The following ARB2A variants were observed in gnomAD, a reference collection of about 807,000 sequenced individuals.
ARB2A encodes the protein cotranscriptional regulator ARB2A.
the ARB2A span, among the ~76,000 whole-genome samples, chr5:94,058,027 G>GA: frequency 2.6e-5 from 4 of 151,024 alleles, no homozygotes; most frequent in East Asian, 3.9e-4. Flanking sequence ...ACACATAGGA[G>GA]AAAAAAAAAT....
chr5:93,709,749 G>C, the ARB2A span, among the ~76,000 whole-genome samples: 8 of 149,248 alleles, frequency 5.4e-5, no homozygotes, highest in Non-Finnish European at 1.2e-4. Context: ...TAAATCCATA[G>C]AAATTAGAAC....
At chr5:93,740,970 G>A in the ARB2A span, 4 of 1,613,714 alleles carry the variant, frequency 2.5e-6, no homozygotes, top group East Asian at 4.5e-5. Context: ...TTTTGCATAA[G>A]CCCAGAAGGT....
the ARB2A span, among the ~76,000 whole-genome samples, chr5:93,922,267 G>C: frequency 6.6e-6 from 1 of 152,114 alleles, no homozygotes. Flanking sequence ...AATAATAAAG[G>C]AGATTGTGGA....
At chr5:93,921,000 A>G in the ARB2A span, among the ~76,000 whole-genome samples, 1 of 152,148 alleles carries the variant, frequency 6.6e-6, no homozygotes, top group Non-Finnish European at 1.5e-5. Flanking sequence ...AGACTCATGA[A>G]GTGCCACTAG....
At chr5:93,850,128 A>G in the ARB2A span, among the ~76,000 whole-genome samples, 1 of 152,202 alleles carries the variant, frequency 6.6e-6, no homozygotes, top group African/African-American at 2.4e-5. Flanking sequence ...AATTAACCCT[A>G]CAGTAATTTT....
At chr5:93,956,760 T>C in the ARB2A span, among the ~76,000 whole-genome samples, 2 of 151,382 alleles carry the variant, frequency 1.3e-5, no homozygotes, top group South Asian at 2.1e-4. Context: ...AATACCATCA[T>C]CTTTCCCTCA....
chr5:93,993,115 G>A, the ARB2A span, among the ~76,000 whole-genome samples: 3 of 151,980 alleles, frequency 2.0e-5, no homozygotes, highest in East Asian at 5.8e-4. Context: ...TGAATAAAAT[G>A]TACCTGCCAT....
the ARB2A span, among the ~76,000 whole-genome samples, chr5:93,963,050 A>G: frequency 6.6e-6 from 1 of 152,094 alleles, no homozygotes; most frequent in East Asian, 1.9e-4. Context: ...CAGACTCAAT[A>G]TTAATTGTGT....
chr5:93,871,693 TAC>T, the ARB2A span, among the ~76,000 whole-genome samples: 12 of 152,304 alleles, frequency 7.9e-5, no homozygotes, highest in Admixed American at 2.0e-4. Context: ...ATTTTAAAAA[TAC>T]AGTTATTTCT....
At chr5:93,831,802 C>T in the ARB2A span, among the ~76,000 whole-genome samples, 2 of 152,064 alleles carry the variant, frequency 1.3e-5, no homozygotes, top group African/African-American at 4.8e-5. Flanking sequence ...CCTCCACAGT[C>T]GATGGAGATA....
chr5:93,674,258 T>C, the ARB2A span, among the ~76,000 whole-genome samples: 1 of 152,202 alleles, frequency 6.6e-6, no homozygotes, highest in Non-Finnish European at 1.5e-5. Flanking sequence ...TCGCCTCCAG[T>C]GTAGCTGTTA....
the ARB2A span, among the ~76,000 whole-genome samples, chr5:93,786,401 A>G: frequency 1.3e-5 from 2 of 152,318 alleles, no homozygotes; most frequent in African/African-American, 4.8e-5. Flanking sequence ...GATAACACGC[A>G]ATTTATCATC....
At chr5:93,667,595 A>G in the ARB2A span, among the ~76,000 whole-genome samples, 1 of 152,292 alleles carries the variant, frequency 6.6e-6, no homozygotes, top group East Asian at 1.9e-4. Context: ...AGCTGGGACT[A>G]CAGGCATGTG....
the ARB2A span, among the ~76,000 whole-genome samples, chr5:93,637,931 G>A: frequency 0.98 from 149,615 of 152,234 alleles, 73,514 homozygotes; most frequent in East Asian, 1. Flanking sequence ...TGGAGGCTAA[G>A]GTTTGCCATG....
At chr5:93,620,726 T>G in the ARB2A span, 1 of 355,108 alleles carries the variant, frequency 2.8e-6, no homozygotes. Context: ...GGCAGGGCGC[T>G]GTCAGCCTTA....
At chr5:93,768,736 A>G in the ARB2A span, among the ~76,000 whole-genome samples, 9 of 152,152 alleles carry the variant, frequency 5.9e-5, no homozygotes, top group African/African-American at 1.9e-4. Flanking sequence ...TCACGCCACC[A>G]TGCCTGGCTA....
chr5:93,771,428 T>C, the ARB2A span, among the ~76,000 whole-genome samples: 1 of 151,024 alleles, frequency 6.6e-6, no homozygotes, highest in Non-Finnish European at 1.5e-5. Context: ...CCAAAAGCAA[T>C]GGCAACAAAA....
At chr5:93,823,492 C>A in the ARB2A span, among the ~76,000 whole-genome samples, 1 of 152,138 alleles carries the variant, frequency 6.6e-6, no homozygotes, top group Non-Finnish European at 1.5e-5. Flanking sequence ...CAGTTAAAGA[C>A]TATCAAAATA....
At chr5:93,931,536 G>A in the ARB2A span, among the ~76,000 whole-genome samples, 3 of 152,078 alleles carry the variant, frequency 2.0e-5, no homozygotes, top group Admixed American at 1.3e-4. Context: ...ATCTCAAATT[G>A]GCTTAATTAG....
Sources: gnomAD v4.1 joint callset for allele counts (sites outside exome capture counted in the v4.1 genomes callset) on GRCh38, gnomAD v4.1.1 for gene constraint, MANE v1.5 for transcripts, NCBI Gene and HGNC (gene_info 2026-07-23, HGNC 2026-07-21) for gene names.